Variants in CCDC186 observed in about 807,000 individuals in gnomAD.
CCDC186 encodes coiled-coil domain containing 186.
In CCDC186, 49 loss-of-function variants were observed where a neutral mutation model predicts 113.7. The ratio of observed to expected loss-of-function variants is 0.43; its 90% CI spans 0.34 to 0.55. CCDC186 has a LOEUF of 0.55. CCDC186 is among the 20% of genes least tolerant of loss of function. The probability of loss-of-function intolerance (pLI) is 0.02; values close to 1 mark genes in which losing one functional copy is unlikely to be tolerated. For synonymous variants in CCDC186, 355 were observed against 345.8 expected (o/e 1.03, Z -0.30); for missense variants, 890 against 1,011.1 (o/e 0.88, Z 1.62).
intron 6 of CCDC186, among the ~76,000 whole-genome samples, chr10:114,137,874 T>C (rs897303283): frequency 3.8e-4 from 57 of 151,548 alleles, no homozygotes; most frequent in African/African-American, 1.3e-3. Context: ...CCGTCTCTAT[T>C]AAAAATACAA....
chr10:114,162,337 T>C (rs2032193923), intron 2 of CCDC186: 2 of 192,360 alleles, frequency 1.0e-5, no homozygotes, highest in Non-Finnish European at 2.1e-5. Flanking sequence ...CTTTTGAGTT[T>C]CTCTTAGTTT....
chr10:114,139,725 T>C (rs1375846436), intron 6 of CCDC186, among the ~76,000 whole-genome samples: 2 of 152,136 alleles, frequency 1.3e-5, no homozygotes, highest in African/African-American at 2.4e-5. Flanking sequence ...TTTTAAAATA[T>C]AAGCAATTAT....
intron 9 of CCDC186, among the ~76,000 whole-genome samples, chr10:114,135,537 G>A (rs1180523713): frequency 6.6e-6 from 1 of 152,074 alleles, no homozygotes; most frequent in African/African-American, 2.4e-5. Context: ...ATATATCCAG[G>A]AAAAATATAG....
chr10:114,146,831 G>C (rs2031653818), intron 4 of CCDC186, among the ~76,000 whole-genome samples: 1 of 152,194 alleles, frequency 6.6e-6, no homozygotes, highest in Non-Finnish European at 1.5e-5. Flanking sequence ...GCAGAATGTA[G>C]GGAAAGCTTC....
At chr10:114,162,554 T>C (rs2032203825) in intron 2 of CCDC186, 83 bp downstream of exon 2, 2 of 1,021,998 alleles carry the variant, frequency 2.0e-6, no homozygotes, top group Non-Finnish European at 1.4e-6. Flanking sequence ...ATGAACAAAA[T>C]GGTATTTTCC....
chr10:114,128,347 T>C (rs2030980140), intron 13 of CCDC186, among the ~76,000 whole-genome samples: 1 of 152,232 alleles, frequency 6.6e-6, no homozygotes, highest in African/African-American at 2.4e-5. Flanking sequence ...TTAAGTAATA[T>C]ATCTTATCCA....
chr10:114,124,897 T>C lies in CCDC186; in HGVS notation c.*246A>G. ...TTCTTATGAATACAAGCAAATTAAGTTGTTTAGATTCAATGACAGGCTGTC... is the reference window on the plus strand; with the variant it reads ...TTCTTATGAATACAAGCAAATTAAGCTGTTTAGATTCAATGACAGGCTGTC... On this transcript the variant is annotated 3_prime_UTR_variant, in exon 16 of 16. Coordinates refer to ENST00000369287, the MANE Select transcript of CCDC186 (RefSeq NM_018017.4). 2.8e-6 allele frequency: 1 copy of C among 359,382 alleles called. No individual in the cohort carries two copies. The highest frequency in any genetic ancestry group is 5.0e-6 in the Non-Finnish European group (1 of 201,538). 22.3% of individuals were successfully genotyped at this position (359,382 alleles called of 1,614,324 possible). A position where few individuals can be genotyped will look rare whatever the true frequency, so the allele number is the denominator to read the frequency against.
In CCDC186 at chr10:114,123,675, G is replaced by A. The variant is rs931882479; in HGVS notation, c.*1468C>T. The A allele has an allele frequency of 2.6e-5, 4 of 152,192 alleles. No individual in the cohort carries two copies. The highest frequency in any genetic ancestry group is 7.2e-5 in the African/African-American group (3 of 41,448). 9.4% of individuals were successfully genotyped at this position (152,192 alleles called of 1,614,324 possible). ...TTATGAAAAATCATGCTCAGAAATTGTAAGTGAGAAATAATAAGGGGTGAG... is the reference window on the plus strand; with the variant it reads ...TTATGAAAAATCATGCTCAGAAATTATAAGTGAGAAATAATAAGGGGTGAG... On this transcript the variant is annotated 3_prime_UTR_variant, in exon 16 of 16. Transcript: ENST00000369287.
At chr10:114,127,373 C>CATA in intron 14 of CCDC186, 88 bp downstream of exon 14, 1 of 1,186,044 alleles carries the variant, frequency 8.4e-7, no homozygotes, top group Admixed American at 2.4e-5. Flanking sequence ...AAGATAGGTT[C>CATA]TTGATATGAC....
chr10:114,138,342 T>A (rs1403969451), intron 6 of CCDC186, among the ~76,000 whole-genome samples: 1 of 144,054 alleles, frequency 6.9e-6, no homozygotes, highest in Non-Finnish European at 1.5e-5. Flanking sequence ...CACTCAGGCT[T>A]GAGTACAGTG....
At position 114,121,345 on chromosome 10, in the gene CCDC186, G is replaced by C. The variant is rs1389612464; in HGVS notation, c.*3798C>G. 1 of 152,034 alleles carries C rather than the reference G, an allele frequency of 6.6e-6. No homozygotes were observed. Among genetic ancestry groups the C allele is most frequent in the Non-Finnish European group, 1.5e-5 (1 of 68,018 alleles). The allele number at this position is 152,034 out of a possible 1,614,324, so 9.4% of individuals were successfully genotyped here. A position where few individuals can be genotyped will look rare whatever the true frequency, so the allele number is the denominator to read the frequency against. On this transcript the variant is annotated 3_prime_UTR_variant, in exon 16 of 16. Coordinates refer to ENST00000369287, the MANE Select transcript of CCDC186 (RefSeq NM_018017.4). Reference sequence around the variant, plus strand: ...ATGATTTATAAAAATATTTTCACCAGGGTAGCATATATAACAACATTTACA... The same window carrying C: ...ATGATTTATAAAAATATTTTCACCACGGTAGCATATATAACAACATTTACA...
chr10:114,152,367 T>G (rs2031882175), intron 3 of CCDC186, among the ~76,000 whole-genome samples: 1 of 150,944 alleles, frequency 6.6e-6, no homozygotes, highest in African/African-American at 2.4e-5. Context: ...GAAAAGGGCA[T>G]TCACTTGTCA....
At chr10:114,136,330 G>T in intron 7 of CCDC186, 84 bp from the exon 8 acceptor site, 1 of 870,364 alleles carries the variant, frequency 1.1e-6, no homozygotes. Flanking sequence ...TAATCCTAAT[G>T]TAGCATCATA....
intron 1 of CCDC186, among the ~76,000 whole-genome samples, chr10:114,169,095 T>TA (rs375066137): frequency 1.7e-4 from 26 of 152,318 alleles, no homozygotes; most frequent in African/African-American, 6.3e-4. Flanking sequence ...TATTTAATGT[T>TA]ACAGTATTTT....
At chr10:114,168,994 T>C (rs924380664) in intron 1 of CCDC186, among the ~76,000 whole-genome samples, 3 of 152,208 alleles carry the variant, frequency 2.0e-5, no homozygotes, top group African/African-American at 4.8e-5. Context: ...ATTCTAGGTG[T>C]TGGGAACATG....
At chr10:114,141,069 C>T (rs1163816225) in intron 6 of CCDC186, among the ~76,000 whole-genome samples, 1 of 151,534 alleles carries the variant, frequency 6.6e-6, no homozygotes, top group Non-Finnish European at 1.5e-5. Context: ...TTTTAAAGTT[C>T]TTTGTGTAGA....
At chr10:114,129,849 A>C (rs749595670) in intron 13 of CCDC186, 42 bp downstream of exon 13, 6 of 1,578,110 alleles carry the variant, frequency 3.8e-6, no homozygotes, top group Admixed American at 1.7e-5. Context: ...ATTTATTTTT[A>C]TATCAATCAT....
At chr10:114,140,936 G>A (rs1016130305) in intron 6 of CCDC186, among the ~76,000 whole-genome samples, 2 of 151,056 alleles carry the variant, frequency 1.3e-5, no homozygotes, top group Non-Finnish European at 2.9e-5. Flanking sequence ...GGATCTTGCT[G>A]TGTTGCCCAG....
At chr10:114,140,575 A>C (rs2031435413) in intron 6 of CCDC186, among the ~76,000 whole-genome samples, 1 of 152,224 alleles carries the variant, frequency 6.6e-6, no homozygotes, top group African/African-American at 2.4e-5. Flanking sequence ...AAGATGTTGG[A>C]TGTCAAATAA....
Sources: allele counts gnomAD v4.1 joint callset (sites outside exome capture counted in the v4.1 genomes callset), GRCh38; gene constraint gnomAD v4.1.1; transcripts MANE v1.5; gene names NCBI Gene and HGNC (gene_info 2026-07-23, HGNC 2026-07-21).